Variants in PATL1 observed in about 807,000 individuals in gnomAD.
PATL1 encodes the protein protein PAT1 homolog 1.
Under a neutral mutation model 100.6 loss-of-function variants are expected in PATL1, and 32 were observed. The observed-to-expected ratio is 0.32, with a 90% CI of 0.24 to 0.43. PATL1 has a LOEUF of 0.43. PATL1 is among the 20% of genes least tolerant of loss of function. The probability of loss-of-function intolerance (pLI) is 1.00; values close to 1 mark genes in which losing one functional copy is unlikely to be tolerated. For missense variants in PATL1, 747 were observed against 949.9 expected (o/e 0.79, Z 2.81); for synonymous variants, 332 against 330.0 (o/e 1.01, Z -0.07).
chr11:59,641,692 G>A (rs534262644), intron 16 of PATL1, among the ~76,000 whole-genome samples: 16 of 152,106 alleles, frequency 1.1e-4, no homozygotes, highest in Non-Finnish European at 1.8e-4. Flanking sequence ...GGCAGAGGTT[G>A]CAGTGAGCCG....
chr11:59,641,127 C>T (rs978860131), intron 16 of PATL1, among the ~76,000 whole-genome samples: 3 of 151,668 alleles, frequency 2.0e-5, no homozygotes, highest in South Asian at 2.1e-4. Flanking sequence ...GACAAGATAT[C>T]GCCATTGCAC....
At position 59,652,706 on chromosome 11, in the gene PATL1, T is replaced by G. The variant is rs932814240; in HGVS notation, c.1303-119A>C. 8 of 1,512,000 alleles carry G rather than the reference T, an allele frequency of 5.3e-6. No homozygotes were observed. The East Asian group carries it at 1.8e-4, about 34-fold the overall frequency. 93.7% of individuals were successfully genotyped at this position (1,512,000 alleles called of 1,614,324 possible). On this transcript the variant is annotated intron_variant, in intron 10 of 18. Transcript: ENST00000300146. ...TTCAGCTCTAGAAATATACTGATAG[T>G]GAATAGTGCAAGATGCTAAGTACCT...
Position 59,638,417 on chromosome 11 carries a change from A to C in PATL1, c.2292-6T>G. 6.2e-7 allele frequency: 1 copy of C among 1,610,874 alleles called. No individual in the cohort carries two copies. The highest frequency in any genetic ancestry group is 8.5e-7 in the Non-Finnish European group (1 of 1,177,684). On this transcript the variant is annotated splice_polypyrimidine_tract_variant and splice_region_variant and intron_variant, in intron 18 of 18. Transcript: ENST00000300146. ...ATCGTATCCCCTGAACTAGCCTAGG[A>C]GTACAAAGGAGAGAAAGGAAAATTG...
At chr11:59,650,508 A>C (rs1350141055) in intron 13 of PATL1, among the ~76,000 whole-genome samples, 1 of 152,212 alleles carries the variant, frequency 6.6e-6, no homozygotes, top group East Asian at 1.9e-4. Flanking sequence ...TAACTGAATA[A>C]GCTTGGACAA....
chr11:59,668,149 T>C (rs1188852650), intron 1 of PATL1, among the ~76,000 whole-genome samples: 1 of 152,208 alleles, frequency 6.6e-6, no homozygotes, highest in Admixed American at 6.5e-5. Context: ...TAAAAATTCT[T>C]AAGGATCATT....
chr11:59,667,157 A>C (rs897577437), intron 1 of PATL1, 193 bp from the exon 2 acceptor site: 2 of 840,222 alleles, frequency 2.4e-6, no homozygotes, highest in Non-Finnish European at 2.9e-6. Context: ...TTCACTTTCT[A>C]TTTCCTAATC....
At chr11:59,657,193 T>TTTTACCTTTAAACACACAG in intron 5 of PATL1, 1 of 923,856 alleles carries the variant, frequency 1.1e-6, no homozygotes, top group Non-Finnish European at 1.3e-6. Context: ...AAAAGGGATG[T>TTTTACCTTTAAACACACAG]GGACAATGCT....
At chr11:59,659,657 A>C (rs746980398) in intron 2 of PATL1, among the ~76,000 whole-genome samples, 188 bp from the exon 3 acceptor site, 1 of 151,918 alleles carries the variant, frequency 6.6e-6, no homozygotes, top group African/African-American at 2.4e-5. Context: ...CAGCCTCCCA[A>C]GTAGCTGGAG....
chr11:59,653,056 A>T, intron 9 of PATL1, 38 bp from the exon 10 acceptor site: 1 of 1,524,402 alleles, frequency 6.6e-7, no homozygotes, highest in Non-Finnish European at 8.9e-7. Context: ...ATGTGGGCAA[A>T]TTAATTACGC....
rs1454130467 is a variant in PATL1, at chr11:59,647,769, C to A, written c.1878G>T (p.Lys626Asn). ...TARNLPFLIKKDAQDEVLPCL... is the reference protein window; with the variant it reads ...TARNLPFLIKNDAQDEVLPCL... ...GCATAGTCACCTCATCTTGTGCATCCTTCTTGATAAGGAAAGGGAGGTTCC... is the reference window on the plus strand; with the variant it reads ...GCATAGTCACCTCATCTTGTGCATCATTCTTGATAAGGAAAGGGAGGTTCC... Residue 626 changes from lysine (K) to asparagine (N), a missense_variant, in exon 15 of 19, where the codon AAG becomes AAT. By Grantham distance (94) the Lys-to-Asn change is moderately conservative. This residue lies in a region of PATL1 where 434 missense variants were observed against 596.1 expected (regional missense o/e 0.73). Transcript: ENST00000300146. 5.6e-6 allele frequency: 9 copies of A among 1,613,912 alleles called. No homozygotes were observed. The highest frequency in any genetic ancestry group is 7.6e-6 in the Non-Finnish European group (9 of 1,179,862).
intron 2 of PATL1, among the ~76,000 whole-genome samples, chr11:59,660,525 T>G (rs1861612901): frequency 6.6e-6 from 1 of 152,140 alleles, no homozygotes. Context: ...GTTAGCAATT[T>G]GGATATCTGG....
chr11:59,642,671 C>T, intron 16 of PATL1: 1 of 476,126 alleles, frequency 2.1e-6, no homozygotes, highest in Non-Finnish European at 3.6e-6. Context: ...TGTCGAGCTA[C>T]TAAATCAAAT....
intron 16 of PATL1, among the ~76,000 whole-genome samples, chr11:59,641,746 T>C (rs1861283589): frequency 6.6e-6 from 1 of 151,824 alleles, no homozygotes; most frequent in African/African-American, 2.4e-5. Context: ...GAGAAGACCC[T>C]GATTTAAAAA....
chr11:59,661,922 A>G (rs751206440), intron 2 of PATL1, among the ~76,000 whole-genome samples: 56 of 152,218 alleles, frequency 3.7e-4, no homozygotes, highest in Non-Finnish European at 5.9e-4. Flanking sequence ...ACTGGTAAAC[A>G]TTTGGATTAT....
rs1861235118 is a variant in PATL1, at chr11:59,639,082, G to A, written c.2257C>T (p.Arg753Trp). 4 of 1,613,668 alleles carry A rather than the reference G, an allele frequency of 2.5e-6. No individual in the cohort carries two copies. The highest frequency in any genetic ancestry group is 2.5e-6 in the Non-Finnish European group (3 of 1,179,864). Residue 753 changes from arginine (R) to tryptophan (W), a missense_variant, in exon 18 of 19, where the codon CGG becomes TGG. This residue lies in a region of PATL1 where 434 missense variants were observed against 596.1 expected (regional missense o/e 0.73). Coordinates refer to ENST00000300146, the MANE Select transcript of PATL1 (RefSeq NM_152716.3). ...LVSLFSRYVD[R>W]QKLNLLETKL... is the part of the protein sequence containing the mutation. ...GTCTCCAGCAAGTTCAGTTTCTGCC[G>A]GTCAACATAGCGAGAAAAGAGGGAC...
intron 2 of PATL1, among the ~76,000 whole-genome samples, chr11:59,666,641 CTGATTT>C (rs1388845249): frequency 1.3e-5 from 2 of 152,106 alleles, no homozygotes; most frequent in Non-Finnish European, 2.9e-5. Flanking sequence ...TACAGAATAC[CTGATTT>C]TATAGGTAAG....
In PATL1 at chr11:59,657,223, G is replaced by A. The variant is rs895709450; in HGVS notation, c.621+307C>T. On this transcript the variant is annotated intron_variant, in intron 5 of 18. Coordinates refer to ENST00000300146, the MANE Select transcript of PATL1 (RefSeq NM_152716.3). ...AATGCTGTGTGTTCCCACTCCCCCC[G>A]GCTTTCAGTTATCTCTCTGACAATG... The A allele has an allele frequency of 1.8e-5, 14 of 788,094 alleles. No homozygotes were observed. In the East Asian group the frequency reaches 6.4e-4, roughly 36 times the overall value. 48.8% of individuals were successfully genotyped at this position (788,094 alleles called of 1,614,324 possible).
chr11:59,668,736 C>G (rs1861730593), intron 1 of PATL1, 145 bp downstream of exon 1: 1 of 437,692 alleles, frequency 2.3e-6, no homozygotes, highest in South Asian at 2.3e-5. Context: ...ACCCGCGACC[C>G]CAGACCAGTC....
chr11:59,638,291 A>T lies in PATL1; in HGVS notation c.*99T>A. ...GATCCCACAAGACTTTGCTTTGGGG[A>T]AAAAGCTACCTTCCTTCCCTCATTA... is the stretch of plus-strand genomic sequence containing the variant. On this transcript the variant is annotated 3_prime_UTR_variant, in exon 19 of 19. Coordinates refer to ENST00000300146, the MANE Select transcript of PATL1 (RefSeq NM_152716.3). 1 of 1,285,586 alleles carries T rather than the reference A, an allele frequency of 7.8e-7. No individual in the cohort carries two copies. The highest frequency in any genetic ancestry group is 2.4e-5 in the East Asian group (1 of 41,388). The allele number at this position is 1,285,586 out of a possible 1,614,324, so 79.6% of individuals were successfully genotyped here.
Sources: gnomAD v4.1 joint callset for allele counts (sites outside exome capture counted in the v4.1 genomes callset) on GRCh38, gnomAD v4.1.1 for gene constraint, gnomAD v4.1.1 regional missense constraint, MANE v1.5 for transcripts, NCBI Gene and HGNC (gene_info 2026-07-23, HGNC 2026-07-21) for gene names.